Variants in EXOC6B observed in about 807,000 individuals in gnomAD.
EXOC6B encodes SEC15 homolog B.
Under a neutral mutation model 113.5 loss-of-function variants are expected in EXOC6B, and 54 were observed. That is an observed-to-expected ratio of 0.48 (90% CI 0.38 to 0.60). The LOEUF (loss-of-function observed/expected upper bound fraction) is 0.60. Among genes scored for constraint, EXOC6B ranks in the 20% least tolerant of loss-of-function variants. The probability of loss-of-function intolerance (pLI) is 0.00; values close to 1 mark genes in which losing one functional copy is unlikely to be tolerated. For synonymous variants in EXOC6B, 357 were observed against 339.0 expected (o/e 1.05, Z -0.58); for missense variants, 797 against 977.5 (o/e 0.82, Z 2.46).
chr2:72,376,331 T>C (rs1197953561), intron 19 of EXOC6B, among the ~76,000 whole-genome samples: 1 of 150,556 alleles, frequency 6.6e-6, no homozygotes, highest in East Asian at 1.9e-4. Flanking sequence ...TCACAAGACA[T>C]AGAGTTTTCA....
intron 18 of EXOC6B, among the ~76,000 whole-genome samples, chr2:72,430,562 G>C (rs921654113): frequency 6.6e-6 from 1 of 152,168 alleles, no homozygotes; most frequent in Admixed American, 6.5e-5. Context: ...CAGCAGAATG[G>C]ATTGAACCTG....
chr2:72,559,719 A>C (rs1703779039), intron 7 of EXOC6B, among the ~76,000 whole-genome samples, 198 bp from the exon 8 acceptor site: 3 of 152,190 alleles, frequency 2.0e-5, no homozygotes, highest in Admixed American at 6.5e-5. Flanking sequence ...TAAACCGTGA[A>C]GATATACACC....
At chr2:72,718,337 A>G (rs768040012) in intron 5 of EXOC6B, 30 bp from the exon 6 acceptor site, 1 of 1,588,418 alleles carries the variant, frequency 6.3e-7, no homozygotes, top group South Asian at 1.1e-5. Flanking sequence ...CCTTTAGCTC[A>G]CTCAGTTTTC....
rs568425344 is a variant in EXOC6B, at chr2:72,323,447, A to G, written c.2196+11500T>C. Among the ~76,000 whole-genome samples, 4 of 152,300 alleles carry G rather than the reference A, an allele frequency of 2.6e-5. No individual in the cohort carries two copies. In the East Asian group the frequency reaches 7.7e-4, roughly 29 times the overall value. ...TGTGGCAATTCCTCAAGGATCTAGAACTAGAAATACCATTTGACTCAGTAA... is the reference window on the plus strand; with the variant it reads ...TGTGGCAATTCCTCAAGGATCTAGAGCTAGAAATACCATTTGACTCAGTAA... On this transcript the variant is annotated intron_variant, in intron 20 of 21. Transcript: ENST00000272427.
At position 72,761,054 on chromosome 2, in the gene EXOC6B, C is replaced by T. The variant is rs532127562; in HGVS notation, c.114-19585G>A. Among the ~76,000 whole-genome samples the T allele has an allele frequency of 1.1e-3, 160 of 152,154 alleles. 1 individual carries two copies. Among genetic ancestry groups the T allele is most frequent in the Middle Eastern group, 6.8e-3 (2 of 294 alleles). On this transcript the variant is annotated intron_variant, in intron 1 of 21. Coordinates refer to ENST00000272427, the MANE Select transcript of EXOC6B (RefSeq NM_015189.3). ...AATTAGCTGGGTGTGGTGGTGTGCA[C>T]CTATTATCCCAGCTACTCAGGAGGC...
At chr2:72,495,086 G>A (rs1558729870) in intron 15 of EXOC6B, among the ~76,000 whole-genome samples, 1 of 151,822 alleles carries the variant, frequency 6.6e-6, no homozygotes, top group East Asian at 1.9e-4. Flanking sequence ...TTGAACTCCT[G>A]GATTCAAGCG....
chr2:72,762,659 G>T lies in EXOC6B; in HGVS notation c.114-21190C>A, dbSNP rs186251813. 1.0e-3 allele frequency among the ~76,000 whole-genome samples: 159 copies of T among 152,120 alleles called. 1 individual carries two copies. The highest frequency in any genetic ancestry group is 6.8e-3 in the Middle Eastern group (2 of 294). On this transcript the variant is annotated intron_variant, in intron 1 of 21. Transcript: ENST00000272427. ...CGCACTATAAAAACTGTTAAAGTAA[G>T]TTCCTCAGGCAAAAATAATATAAAA... is the stretch of plus-strand genomic sequence containing the variant.
In EXOC6B at chr2:72,823,459, G is replaced by GAAAAAAAAAAAA. The variant is rs1237385156; in HGVS notation, c.113+2327_113+2338dup. On this transcript the variant is annotated intron_variant, in intron 1 of 21. Coordinates refer to ENST00000272427, the MANE Select transcript of EXOC6B (RefSeq NM_015189.3). ...CCAACTTCTCAAATCAAAGTTTTAA[G>GAAAAAAAAAAAA]AAAAAAAAAAAAAAAAAAACAAAAA... Among the ~76,000 whole-genome samples, 30 of 69,078 alleles carry GAAAAAAAAAAAA rather than the reference G, an allele frequency of 4.3e-4. 5 individuals carry two copies. The highest frequency in any genetic ancestry group is 1.2e-3 in the Admixed American group (6 of 5,150). The allele number at this position is 69,078 out of a possible 152,430, so 45.3% of individuals were successfully genotyped here. A position where few individuals can be genotyped will look rare whatever the true frequency, so the allele number is the denominator to read the frequency against.
chr2:72,349,055 G>A (rs756014432), intron 19 of EXOC6B, among the ~76,000 whole-genome samples: 6 of 152,158 alleles, frequency 3.9e-5, no homozygotes, highest in African/African-American at 7.2e-5. Context: ...CATTGGCTGA[G>A]GTAATGGGGA....
At chr2:72,409,405 GACACATGCC>G (rs1272937506) in intron 18 of EXOC6B, among the ~76,000 whole-genome samples, 29 of 152,250 alleles carry the variant, frequency 1.9e-4, no homozygotes, top group Admixed American at 2.6e-4. Context: ...CTGCTATAAA[GACACATGCC>G]CATGTATGTT....
chr2:72,371,703 T>C lies in EXOC6B; in HGVS notation c.2122+8026A>G, dbSNP rs987190611. ...ACCTCAACAAAATAAAAGGCATGTA[T>C]GACAGATCCATAGCTAGTATCATAC... is the stretch of plus-strand genomic sequence containing the variant. On this transcript the variant is annotated intron_variant, in intron 19 of 21. Coordinates refer to ENST00000272427, the MANE Select transcript of EXOC6B (RefSeq NM_015189.3). Among the ~76,000 whole-genome samples the C allele has an allele frequency of 3.4e-4, 52 of 152,168 alleles. 1 individual carries two copies. The highest frequency in any genetic ancestry group is 1.5e-5 in the Non-Finnish European group (1 of 68,026).
intron 19 of EXOC6B, among the ~76,000 whole-genome samples, chr2:72,339,828 G>A (rs192136877): frequency 3.5e-4 from 53 of 152,246 alleles, no homozygotes; most frequent in African/African-American, 1.2e-3. Context: ...GTCAGTAAAT[G>A]TATCAGAGGA....
At chr2:72,642,869 A>G (rs1303031935) in intron 6 of EXOC6B, among the ~76,000 whole-genome samples, 3 of 150,590 alleles carry the variant, frequency 2.0e-5, no homozygotes, top group South Asian at 2.1e-4. Context: ...TACTCATCTG[A>G]CAAAGGGCTA....
intron 18 of EXOC6B, among the ~76,000 whole-genome samples, chr2:72,420,020 T>C (rs1257109034): frequency 1.3e-5 from 2 of 152,172 alleles, no homozygotes; most frequent in Non-Finnish European, 2.9e-5. Context: ...AACTAAACTC[T>C]TCCCATTATC....
chr2:72,582,308 T>G (rs1705274167), intron 6 of EXOC6B, among the ~76,000 whole-genome samples: 1 of 151,778 alleles, frequency 6.6e-6, no homozygotes, highest in African/African-American at 2.4e-5. Context: ...GCTCAGGAGT[T>G]CCAGACCAGC....
intron 6 of EXOC6B, among the ~76,000 whole-genome samples, chr2:72,578,606 C>T (rs553555445): frequency 1.2e-3 from 183 of 152,118 alleles, no homozygotes; most frequent in African/African-American, 4.1e-3. Context: ...CAGTCAAACA[C>T]GTGTTAAAAG....
chr2:72,486,987 C>T (rs1040171982), intron 16 of EXOC6B, among the ~76,000 whole-genome samples: 1 of 151,936 alleles, frequency 6.6e-6, no homozygotes, highest in African/African-American at 2.4e-5. Context: ...TCTCTAATTC[C>T]TCTTTTCCCA....
Position 72,639,384 on chromosome 2 carries a change from C to A in EXOC6B, c.670-63716G>T, listed in dbSNP as rs112159615. On this transcript the variant is annotated intron_variant, in intron 6 of 21. Coordinates refer to ENST00000272427, the MANE Select transcript of EXOC6B (RefSeq NM_015189.3). ...TGCCAGCACCCTGCCCCTGATCCAA[C>A]ACCACCTCCGGCATGACTGCACAAA... is the stretch of plus-strand genomic sequence containing the variant. 1.5e-4 allele frequency among the ~76,000 whole-genome samples: 23 copies of A among 152,348 alleles called. 2 individuals carry two copies. Among genetic ancestry groups the A allele is most frequent in the African/African-American group, 4.6e-4 (19 of 41,576 alleles).
intron 3 of EXOC6B, among the ~76,000 whole-genome samples, chr2:72,732,813 T>C (rs1173803966): frequency 6.6e-6 from 1 of 152,058 alleles, no homozygotes; most frequent in Non-Finnish European, 1.5e-5. Context: ...AAATAACATA[T>C]CAGGCAGAGG....
Sources: gnomAD v4.1 joint callset for allele counts (sites outside exome capture counted in the v4.1 genomes callset) on GRCh38, gnomAD v4.1.1 for gene constraint, MANE v1.5 for transcripts, NCBI Gene and HGNC (gene_info 2026-07-23, HGNC 2026-07-21) for gene names.